Variants in PAPPA2 observed in about 807,000 individuals in gnomAD.
PAPPA2 encodes the protein pappalysin-2.
A neutral mutation model predicts 176.4 loss-of-function variants in PAPPA2; 86 were observed. The observed-to-expected ratio is 0.49, with a 90% CI of 0.41 to 0.58. The LOEUF is 0.58. PAPPA2 is among the 20% of genes least tolerant of loss of function. The pLI is 0.00. For missense variants in PAPPA2, 2,073 were observed against 2,256.9 expected, an observed-to-expected ratio of 0.92 and a Z score of 1.65; for synonymous variants, 809 against 852.2, an observed-to-expected ratio of 0.95 and a Z score of 0.88.
At chr1:176,800,395 A>G (rs766404830) in intron 21 of PAPPA2, among the ~76,000 whole-genome samples, 1 of 152,174 alleles carries the variant, frequency 6.6e-6, no homozygotes, top group Non-Finnish European at 1.5e-5. Flanking sequence ...AGAATTATTT[A>G]TGGTTTTGGG....
At position 176,512,126 on chromosome 1, in the gene PAPPA2, A is replaced by T. The variant is rs1294597998; in HGVS notation, c.-916-43281A>T. Among the ~76,000 whole-genome samples the T allele has an allele frequency of 2.0e-5, 3 of 151,966 alleles. No individual in the cohort carries two copies. The East Asian group carries it at 5.8e-4, about 29-fold the overall frequency. ...TTTTCAGAAGACATAAGTGGCCAAT[A>T]AGCATGTACAAATATGTTCAATAAA... On this transcript the variant is annotated intron_variant, in intron 1 of 22. Coordinates refer to ENST00000367662, the MANE Select transcript of PAPPA2 (RefSeq NM_020318.3).
chr1:176,505,819 C>A (rs1270079103), intron 1 of PAPPA2, among the ~76,000 whole-genome samples: 13 of 151,944 alleles, frequency 8.6e-5, no homozygotes, highest in Non-Finnish European at 1.5e-5. Flanking sequence ...AAATGAGGTT[C>A]AAAAATATCA....
intron 14 of PAPPA2, among the ~76,000 whole-genome samples, chr1:176,742,551 C>A (rs2102876878): frequency 6.6e-6 from 1 of 152,310 alleles, no homozygotes; most frequent in East Asian, 1.9e-4. Flanking sequence ...TTCCAAACCA[C>A]ATGTGACTGA....
intron 1 of PAPPA2, among the ~76,000 whole-genome samples, chr1:176,472,570 C>A (rs142476663): frequency 1.3e-5 from 2 of 152,118 alleles, no homozygotes; most frequent in Non-Finnish European, 2.9e-5. Context: ...ACTTACAAAC[C>A]GTAATCTAGG....
intron 1 of PAPPA2, among the ~76,000 whole-genome samples, chr1:176,533,402 A>G (rs760535931): frequency 6.6e-6 from 1 of 152,236 alleles, no homozygotes; most frequent in African/African-American, 2.4e-5. Flanking sequence ...AAGCCATTTT[A>G]TTGAAGCTGA....
At chr1:176,812,553 G>A (rs936152876) in intron 21 of PAPPA2, among the ~76,000 whole-genome samples, 1 of 151,944 alleles carries the variant, frequency 6.6e-6, no homozygotes. Flanking sequence ...AATCCTATAA[G>A]GCATTGCTTA....
rs549890030 is a variant in PAPPA2, at chr1:176,788,133, T to A, written c.4716-1676T>A. 6.9e-4 allele frequency among the ~76,000 whole-genome samples: 105 copies of A among 152,322 alleles called. 2 individuals carry two copies. The highest frequency in any genetic ancestry group is 4.3e-3 in the South Asian group (21 of 4,828). ...AATGATTCAACTTGGTGTTATCGAA[T>A]GTGCCTTGCAATGTACCTGACATGC... On this transcript the variant is annotated intron_variant, in intron 17 of 22. Coordinates refer to ENST00000367662, the MANE Select transcript of PAPPA2 (RefSeq NM_020318.3).
Position 176,490,343 on chromosome 1 carries a change from G to A in PAPPA2, c.-917+26925G>A, listed in dbSNP as rs116232723. Among the ~76,000 whole-genome samples the A allele has an allele frequency of 5.2e-3, 791 of 152,230 alleles. 6 individuals carry two copies. Among genetic ancestry groups the A allele is most frequent in the Middle Eastern group, 0.017 (5 of 294 alleles). The stretch of plus-strand genomic sequence containing the variant: ...AATTCAAATGAGTGATAGACCTTTA[G>A]TGTTGGATCTTCAGTTTGCAGGCAG... On this transcript the variant is annotated intron_variant, in intron 1 of 22. Transcript: ENST00000367662.
chr1:176,593,225 C>T (rs1345584976), intron 2 of PAPPA2, among the ~76,000 whole-genome samples: 1 of 152,180 alleles, frequency 6.6e-6, no homozygotes, highest in Non-Finnish European at 1.5e-5. Context: ...AAAGCACTTG[C>T]CTGCCGTCAG....
At chr1:176,799,654 G>A (rs1404874260) in intron 20 of PAPPA2, among the ~76,000 whole-genome samples, 1 of 152,166 alleles carries the variant, frequency 6.6e-6, no homozygotes, top group Non-Finnish European at 1.5e-5. Flanking sequence ...AAAGCCCATT[G>A]TGTGTGATCA....
intron 2 of PAPPA2, among the ~76,000 whole-genome samples, chr1:176,561,582 A>G (rs955395664): frequency 1.3e-5 from 2 of 152,196 alleles, no homozygotes; most frequent in African/African-American, 2.4e-5. Context: ...GAGGCCCCAA[A>G]GGGCTCATTT....
At chr1:176,651,932 C>G (rs183118293) in intron 3 of PAPPA2, among the ~76,000 whole-genome samples, 3 of 151,556 alleles carry the variant, frequency 2.0e-5, no homozygotes, top group African/African-American at 7.2e-5. Flanking sequence ...TTGAAAACCT[C>G]TAATATAATT....
At chr1:176,613,189 G>T (rs1655026560) in intron 3 of PAPPA2, among the ~76,000 whole-genome samples, 3 of 152,158 alleles carry the variant, frequency 2.0e-5, no homozygotes, top group Admixed American at 2.0e-4. Context: ...AAACTTATGT[G>T]TCTAACTCCA....
intron 3 of PAPPA2, among the ~76,000 whole-genome samples, chr1:176,651,271 TCA>T (rs1657704075): frequency 6.6e-6 from 1 of 151,632 alleles, no homozygotes; most frequent in Non-Finnish European, 1.5e-5. Context: ...TGTTTTTTTT[TCA>T]GACGGAAGAA....
chr1:176,545,717 T>C (rs1397918716), intron 1 of PAPPA2, among the ~76,000 whole-genome samples: 1 of 152,234 alleles, frequency 6.6e-6, no homozygotes, highest in Admixed American at 6.5e-5. Flanking sequence ...AACTGAGGGA[T>C]GACCATGCAT....
At chr1:176,500,751 ATGATT>A (rs1228851590) in intron 1 of PAPPA2, among the ~76,000 whole-genome samples, 1 of 151,502 alleles carries the variant, frequency 6.6e-6, no homozygotes, top group Non-Finnish European at 1.5e-5. Flanking sequence ...ACTTTTGATA[ATGATT>A]CAATACCAAT....
chr1:176,477,332 A>T (rs185026724), intron 1 of PAPPA2, among the ~76,000 whole-genome samples: 201 of 152,310 alleles, frequency 1.3e-3, no homozygotes, highest in African/African-American at 4.3e-3. Flanking sequence ...ACAATAAAAC[A>T]TGCATTTTTT....
intron 2 of PAPPA2, among the ~76,000 whole-genome samples, chr1:176,594,210 G>A (rs913804893): frequency 7.2e-5 from 11 of 152,228 alleles, no homozygotes; most frequent in Admixed American, 1.3e-4. Context: ...AAGCACATTC[G>A]TGATGGAGTG....
chr1:176,706,432 G>A lies in PAPPA2; in HGVS notation c.3439G>A (p.Glu1147Lys). The A allele has an allele frequency of 6.2e-7, 1 of 1,613,670 alleles. No individual in the cohort carries two copies. The highest frequency in any genetic ancestry group is 8.5e-7 in the Non-Finnish European group (1 of 1,179,702). The stretch of plus-strand genomic sequence containing the variant: ...CTGCTCCAAGGTGTGTGAGCTGGAG[G>A]AAGGTTTCAACTGTGTAGGTAAGTT... ...DGCSKVCELE[E>K]GFNCVGEPSL... Residue 1147 changes from glutamate (E) to lysine (K), a missense_variant, in exon 10 of 23, where the codon GAA (glutamate) becomes AAA (lysine). Coordinates refer to ENST00000367662, the MANE Select transcript of PAPPA2 (RefSeq NM_020318.3).
Sources: gnomAD v4.1 joint callset for allele counts (sites outside exome capture counted in the v4.1 genomes callset) on GRCh38, gnomAD v4.1.1 for gene constraint, MANE v1.5 for transcripts, NCBI Gene and HGNC (gene_info 2026-07-23, HGNC 2026-07-21) for gene names.